Variants in IARS1 observed in about 807,000 individuals in gnomAD.
The protein encoded by IARS1 is isoleucyl-tRNA synthetase 1.
Under a neutral mutation model 168.2 loss-of-function variants are expected in IARS1, and 124 were observed. That is an observed-to-expected ratio of 0.74 (90% CI 0.64 to 0.86). The LOEUF (loss-of-function observed/expected upper bound fraction) is 0.86. Among genes scored for constraint, IARS1 ranks in the 40% least tolerant of loss-of-function variants. The pLI is 0.00. For missense variants in IARS1, 1,452 were observed against 1,515.8 expected (o/e 0.96, Z 0.70); for synonymous variants, 532 against 529.4 (o/e 1.00, Z -0.07).
intron 10 of IARS1, among the ~76,000 whole-genome samples, chr9:92,272,874 A>C (rs76109656): frequency 0.012 from 1,732 of 148,910 alleles, 33 homozygotes; most frequent in African/African-American, 0.035. Flanking sequence ...CAAAAAAAAA[A>C]AAAAAAAAAA....
intron 31 of IARS1, among the ~76,000 whole-genome samples, chr9:92,224,836 A>AAATAAAG (rs1825390178): frequency 6.7e-6 from 1 of 148,150 alleles, no homozygotes; most frequent in Non-Finnish European, 1.5e-5. Flanking sequence ...CTGTCTCAAA[A>AAATAAAG]AATAAAAAAT....
chr9:92,216,118 C>T (rs1838639454), intron 33 of IARS1, among the ~76,000 whole-genome samples: 1 of 151,274 alleles, frequency 6.6e-6, no homozygotes, highest in Non-Finnish European at 1.5e-5. Flanking sequence ...GGCCAATATT[C>T]AACATTCTTA....
In IARS1 at chr9:92,229,144, T is replaced by C; in HGVS notation, c.3284-18A>G. 2 of 1,609,302 alleles carry C rather than the reference T, an allele frequency of 1.2e-6. No homozygotes were observed. The highest frequency in any genetic ancestry group is 1.7e-6 in the Non-Finnish European group (2 of 1,177,890). On this transcript the variant is annotated intron_variant, in intron 30 of 33. Coordinates refer to ENST00000443024, the MANE Select transcript of IARS1 (RefSeq NM_002161.6). ...TACTCCACCTAAAAAGCCACAAAAA[T>C]AACACCTCAATCAGACAAATAAAAC...
Position 92,265,658 on chromosome 9 carries a change from C to T in IARS1, c.1432-105G>A, listed in dbSNP as rs538236080. Reference sequence around the variant, plus strand: ...TTTACTTTGAGAGACTGATGATTTTCTTTTTCCTTTTTTTTTGAGATAGGG... The same window carrying T: ...TTTACTTTGAGAGACTGATGATTTTTTTTTTCCTTTTTTTTTGAGATAGGG... On this transcript the variant is annotated intron_variant, in intron 14 of 33. Coordinates refer to ENST00000443024, the MANE Select transcript of IARS1 (RefSeq NM_002161.6). The T allele has an allele frequency of 3.4e-4, 323 of 941,150 alleles. 1 individual carries two copies. The African/African-American group carries it at 4.7e-3, about 14-fold the overall frequency. The allele number at this position is 941,150 out of a possible 1,614,324, so 58.3% of individuals were successfully genotyped here.
Position 92,242,321 on chromosome 9 carries a change from C to A in IARS1, c.3010G>T (p.Val1004Phe). 1 of 1,609,616 alleles carries A rather than the reference C, an allele frequency of 6.2e-7. No individual in the cohort carries two copies. The change falls in exon 29 of 34, where the codon GTT (valine) becomes TTT (phenylalanine). Residue 1004 changes from valine to phenylalanine, a missense_variant. By Grantham distance (50) the Val-to-Phe change is conservative (BLOSUM62 -1). Coordinates refer to ENST00000443024, the MANE Select transcript of IARS1 (RefSeq NM_002161.6). ...TACACTGTGATTTCATCAGTTGGAACCAGATTGCACTGAAAACACACACAG... is the reference window on the plus strand; with the variant it reads ...TACACTGTGATTTCATCAGTTGGAAACAGATTGCACTGAAAACACACACAG... ...IQKLRKKCNL[V>F]PTDEITVYYK... is the part of the protein sequence containing the mutation.
At chr9:92,258,809 T>C in intron 19 of IARS1, 45 bp downstream of exon 19, 1 of 1,540,720 alleles carries the variant, frequency 6.5e-7, no homozygotes, top group Non-Finnish European at 8.7e-7. Flanking sequence ...AAGGGAGCGC[T>C]GTGGAGACAC....
intron 31 of IARS1, among the ~76,000 whole-genome samples, chr9:92,225,623 A>G (rs1274980797): frequency 6.7e-6 from 1 of 148,744 alleles, no homozygotes; most frequent in Non-Finnish European, 1.5e-5. Flanking sequence ...GAAGTTACAT[A>G]TGATTTAAAG....
intron 33 of IARS1, among the ~76,000 whole-genome samples, chr9:92,221,766 C>T (rs1355734452): frequency 1.3e-5 from 2 of 152,140 alleles, no homozygotes; most frequent in Non-Finnish European, 2.9e-5. Context: ...TGATCTAGCT[C>T]TTCACAGTGT....
chr9:92,249,105 TTAAA>T (rs1437332999), intron 25 of IARS1, among the ~76,000 whole-genome samples: 1 of 152,162 alleles, frequency 6.6e-6, no homozygotes, highest in African/African-American at 2.4e-5. Flanking sequence ...GGGACAGTAA[TTAAA>T]TAAATTATGA....
intron 26 of IARS1, among the ~76,000 whole-genome samples, chr9:92,247,043 A>C (rs1414369168): frequency 6.6e-6 from 1 of 151,974 alleles, no homozygotes; most frequent in Non-Finnish European, 1.5e-5. Context: ...AAAATACAAA[A>C]ATTAGCCAGG....
rs1353318976 is a variant in IARS1, at chr9:92,253,372, C to T, written c.2219G>A (p.Arg740Lys). 6.2e-7 allele frequency: 1 copy of T among 1,611,380 alleles called. No individual in the cohort carries two copies. Among genetic ancestry groups the T allele is most frequent in the East Asian group, 2.2e-5 (1 of 44,870 alleles). The change falls in exon 21 of 34, where the codon AGA (arginine) becomes AAA (lysine). Residue 740 changes from arginine to lysine, a missense_variant. Physicochemically the swap from Arg to Lys is conservative, Grantham distance 26. Coordinates refer to ENST00000443024, the MANE Select transcript of IARS1 (RefSeq NM_002161.6). Reference protein sequence around the residue: ...LTNWYVRMNRRRLKGENGMED... With the variant: ...LTNWYVRMNRKRLKGENGMED... ...GCAGTCTGCACTTACCTTTAATCTT[C>T]TGCGGTTCATTCTAACATACCAATT...
At chr9:92,280,721 C>A in intron 7 of IARS1, 25 bp downstream of exon 7, 1 of 1,531,092 alleles carries the variant, frequency 6.5e-7, no homozygotes, top group South Asian at 1.3e-5. Flanking sequence ...CCATATTAAT[C>A]ATAAGTAACC....
chr9:92,292,016 C>CTT (rs35644715), intron 1 of IARS1, among the ~76,000 whole-genome samples: 25 of 126,942 alleles, frequency 2.0e-4, no homozygotes, highest in African/African-American at 4.5e-4. Context: ...AGGATCATTC[C>CTT]TTTTTTTTTT....
chr9:92,286,481 T>G lies in IARS1; in HGVS notation c.479+55A>C, dbSNP rs1835485335. The G allele has an allele frequency of 7.6e-6, 7 of 917,484 alleles. No individual in the cohort carries two copies. The East Asian group carries it at 1.8e-4, about 23-fold the overall frequency. The allele number at this position is 917,484 out of a possible 1,614,324, so 56.8% of individuals were successfully genotyped here. Reference sequence around the variant, plus strand: ...ATTCATGCTAGTGCATTTTTCCAATTATCAATACAACAGAATAGAATATTT... The same window carrying G: ...ATTCATGCTAGTGCATTTTTCCAATGATCAATACAACAGAATAGAATATTT... On this transcript the variant is annotated intron_variant, in intron 5 of 33. Transcript: ENST00000443024.
intron 26 of IARS1, among the ~76,000 whole-genome samples, chr9:92,245,669 CT>C (rs1829077232): frequency 6.6e-6 from 1 of 152,146 alleles, no homozygotes; most frequent in African/African-American, 2.4e-5. Flanking sequence ...TTTATGTTTA[CT>C]TTGTCTCTGT....
chr9:92,233,501 C>T (rs1360537606), intron 30 of IARS1, among the ~76,000 whole-genome samples: 1 of 152,202 alleles, frequency 6.6e-6, no homozygotes, highest in East Asian at 1.9e-4. Context: ...ATGTTAAGAT[C>T]ACACCATTGG....
intron 12 of IARS1, 41 bp from the exon 13 acceptor site, chr9:92,270,024 A>G (rs754281080): frequency 8.2e-7 from 1 of 1,218,932 alleles, no homozygotes; most frequent in Non-Finnish European, 1.2e-6. Flanking sequence ...TCAGGCTGAG[A>G]CTAGTAGGCA....
At chr9:92,280,596 A>G in intron 7 of IARS1, 150 bp downstream of exon 7, 2 of 477,318 alleles carry the variant, frequency 4.2e-6, no homozygotes, top group East Asian at 6.7e-5. Flanking sequence ...TAGAAATGAA[A>G]ACAAATGTTT....
At position 92,267,297 on chromosome 9, in the gene IARS1, A is replaced by G. The variant is rs571052199; in HGVS notation, c.1431+877T>C. Among the ~76,000 whole-genome samples, 8 of 152,274 alleles carry G rather than the reference A, an allele frequency of 5.3e-5. No individual in the cohort carries two copies. In the South Asian group the frequency reaches 1.2e-3, roughly 24 times the overall value. On this transcript the variant is annotated intron_variant, in intron 14 of 33. Coordinates refer to ENST00000443024, the MANE Select transcript of IARS1 (RefSeq NM_002161.6). ...GCCTCTTTCTCTGCCCTTCCTGTTC[A>G]GTCCTGAAAAGTCTTCTGATTCAGC...
Sources: gnomAD v4.1 joint callset for allele counts (sites outside exome capture counted in the v4.1 genomes callset) on GRCh38, gnomAD v4.1.1 for gene constraint, MANE v1.5 for transcripts, NCBI Gene and HGNC (gene_info 2026-07-23, HGNC 2026-07-21) for gene names.